The following AKR1C8 variants were observed in gnomAD, a reference collection of about 807,000 sequenced individuals.
AKR1C8 encodes the protein aldo-keto reductase family 1 member C-like protein 1.
chr10:5,175,125 CT>C, the AKR1C8 span, among the ~76,000 whole-genome samples: 1 of 140,428 alleles, frequency 7.1e-6, no homozygotes. Context: ...CCCCTCCCCC[CT>C]CCCCCAACCC....
the AKR1C8 span, among the ~76,000 whole-genome samples, chr10:5,131,971 T>C: frequency 6.6e-6 from 1 of 152,262 alleles, no homozygotes; most frequent in East Asian, 1.9e-4. Context: ...AATGAAAATG[T>C]GTTATATGTA....
chr10:5,130,978 T>C, the AKR1C8 span, among the ~76,000 whole-genome samples: 1 of 152,018 alleles, frequency 6.6e-6, no homozygotes, highest in Non-Finnish European at 1.5e-5. Flanking sequence ...AGGAGCATAG[T>C]ATTAATATAA....
At chr10:5,175,877 G>A in the AKR1C8 span, among the ~76,000 whole-genome samples, 21 of 151,940 alleles carry the variant, frequency 1.4e-4, no homozygotes, top group Non-Finnish European at 2.9e-4. Context: ...CTGGATATTA[G>A]CCCTTTGTCA....
At chr10:5,162,852 C>A in the AKR1C8 span, 3 of 532,872 alleles carry the variant, frequency 5.6e-6, no homozygotes, top group East Asian at 5.5e-5. Flanking sequence ...AGAACTTTCA[C>A]CTTGATGGTG....
the AKR1C8 span, among the ~76,000 whole-genome samples, chr10:5,118,223 A>G: frequency 6.6e-6 from 1 of 152,228 alleles, no homozygotes; most frequent in East Asian, 1.9e-4. Context: ...AAGGGAAGTT[A>G]ACCAAAAAAA....
chr10:5,171,644 C>A, the AKR1C8 span, among the ~76,000 whole-genome samples: 38,874 of 151,890 alleles, frequency 0.26, 6,256 homozygotes, highest in Non-Finnish European at 0.36. Context: ...TTTTTACAGA[C>A]TCTTTTTAAC....
chr10:5,183,756 T>G, the AKR1C8 span, among the ~76,000 whole-genome samples: 1 of 151,908 alleles, frequency 6.6e-6, no homozygotes, highest in Non-Finnish European at 1.5e-5. Flanking sequence ...AGAAACAGCT[T>G]GAAAAAAATC....
At chr10:5,123,706 A>C in the AKR1C8 span, 1 of 1,604,272 alleles carries the variant, frequency 6.2e-7, no homozygotes, top group East Asian at 2.2e-5. Context: ...TGATGCTCTT[A>C]TTACCATAGT....
At chr10:5,164,165 G>C in the AKR1C8 span, among the ~76,000 whole-genome samples, 1 of 152,084 alleles carries the variant, frequency 6.6e-6, no homozygotes, top group East Asian at 1.9e-4. Context: ...CCAAGGTCCT[G>C]GACAAAACTT....
chr10:5,144,175 GAT>G, the AKR1C8 span, among the ~76,000 whole-genome samples: 1 of 152,110 alleles, frequency 6.6e-6, no homozygotes, highest in Non-Finnish European at 1.5e-5. Context: ...TCAAAGATCA[GAT>G]AGTTGTAGAT....
the AKR1C8 span, among the ~76,000 whole-genome samples, chr10:5,168,328 G>A: frequency 6.6e-6 from 1 of 151,846 alleles, no homozygotes; most frequent in Non-Finnish European, 1.5e-5. Context: ...ACCCTCAAAT[G>A]CAACTCCCAG....
At chr10:5,158,138 C>T in the AKR1C8 span, among the ~76,000 whole-genome samples, 1 of 152,222 alleles carries the variant, frequency 6.6e-6, no homozygotes, top group Non-Finnish European at 1.5e-5. Flanking sequence ...TGCACATGAT[C>T]TCTTTCATAG....
chr10:5,143,521 G>T, the AKR1C8 span, among the ~76,000 whole-genome samples: 11 of 152,006 alleles, frequency 7.2e-5, no homozygotes, highest in African/African-American at 2.7e-4. Flanking sequence ...GCTTTTGAAA[G>T]GTGCTTGGTA....
At chr10:5,184,411 G>A in the AKR1C8 span, among the ~76,000 whole-genome samples, 2 of 152,182 alleles carry the variant, frequency 1.3e-5, no homozygotes, top group South Asian at 4.1e-4. Flanking sequence ...ATACATTGAT[G>A]AGACTGTAAC....
chr10:5,154,017 A>G, the AKR1C8 span: 1 of 262,918 alleles, frequency 3.8e-6, no homozygotes, highest in East Asian at 9.7e-5. Flanking sequence ...ATTTCATAAA[A>G]TAAAGAAAGG....
At chr10:5,149,862 G>T in the AKR1C8 span, among the ~76,000 whole-genome samples, 2 of 151,586 alleles carry the variant, frequency 1.3e-5, no homozygotes, top group Admixed American at 6.6e-5. Flanking sequence ...AGAATTAGGC[G>T]AAGAGAAAAA....
chr10:5,133,258 A>G, the AKR1C8 span, among the ~76,000 whole-genome samples: 38,206 of 151,826 alleles, frequency 0.25, 4,977 homozygotes, highest in Middle Eastern at 0.37. Flanking sequence ...CTATTATGCC[A>G]GTTAAATTTT....
chr10:5,132,670 C>T, the AKR1C8 span: 14 of 1,591,878 alleles, frequency 8.8e-6, no homozygotes, highest in East Asian at 2.0e-4. Flanking sequence ...ATGGCCAGTC[C>T]AACCTGCTCC....
the AKR1C8 span, among the ~76,000 whole-genome samples, chr10:5,144,306 G>A: frequency 0.16 from 23,818 of 151,840 alleles, 1,837 homozygotes; most frequent in Admixed American, 0.18. Flanking sequence ...GTCAGGTAGC[G>A]TGATGCCTCC....
Sources: allele counts gnomAD v4.1 joint callset (sites outside exome capture counted in the v4.1 genomes callset), GRCh38; gene constraint gnomAD v4.1.1; transcripts MANE v1.5; gene names NCBI Gene and HGNC (gene_info 2026-07-23, HGNC 2026-07-21).